FHIT: variants seen among roughly 807,000 people sequenced by gnomAD.
FHIT encodes fragile histidine triad diadenosine triphosphatase, also known as bis(5'-adenosyl)-triphosphatase.
In FHIT, 19 loss-of-function variants were observed where a neutral mutation model predicts 17.9. The observed-to-expected ratio is 1.06, with a 90% CI of 0.74 to 1.56. FHIT has a LOEUF of 1.56. FHIT is among the 40% of genes most tolerant of loss of function. The pLI, the probability that FHIT is intolerant of heterozygous loss-of-function variation, is 0.00. For missense variants in FHIT, 248 were observed against 189.2 expected (o/e 1.31, Z -1.82); for synonymous variants, 81 against 69.7 (o/e 1.16, Z -0.81).
chr3:60,539,002 G>A (rs1352324607), intron 4 of FHIT, among the ~76,000 whole-genome samples: 1 of 151,942 alleles, frequency 6.6e-6, no homozygotes, highest in Non-Finnish European at 1.5e-5. Context: ...GAGTGAACAG[G>A]CAACCTACAG....
chr3:60,344,761 AC>A (rs1214653668), intron 5 of FHIT, among the ~76,000 whole-genome samples: 43 of 152,282 alleles, frequency 2.8e-4, no homozygotes, highest in Middle Eastern at 3.4e-3. Context: ...AATAAGCCAC[AC>A]GAAAACTGTA....
At chr3:60,911,429 TTCA>T (rs1252503209) in intron 3 of FHIT, among the ~76,000 whole-genome samples, 4 of 151,718 alleles carry the variant, frequency 2.6e-5, no homozygotes, top group African/African-American at 9.7e-5. Context: ...CACCATCATT[TTCA>T]TCATCATGTG....
intron 4 of FHIT, among the ~76,000 whole-genome samples, chr3:60,546,005 C>T (rs561513173): frequency 1.9e-4 from 29 of 152,258 alleles, no homozygotes; most frequent in South Asian, 6.2e-4. Context: ...TGTTCCTATT[C>T]ATTTCACTCC....
chr3:60,117,653 G>C (rs1393310617), intron 5 of FHIT, among the ~76,000 whole-genome samples: 1 of 152,076 alleles, frequency 6.6e-6, no homozygotes, highest in Non-Finnish European at 1.5e-5. Context: ...CAAAGCAAAT[G>C]ATGAAGAACC....
At chr3:60,203,149 C>T (rs934880425) in intron 5 of FHIT, among the ~76,000 whole-genome samples, 1 of 152,054 alleles carries the variant, frequency 6.6e-6, no homozygotes, top group African/African-American at 2.4e-5. Context: ...AAGCAAGATG[C>T]TAACTATAGA....
chr3:60,070,331 G>A lies in FHIT; in HGVS notation c.104-56179C>T, dbSNP rs933832361. Among the ~76,000 whole-genome samples the A allele has an allele frequency of 3.3e-5, 5 of 152,294 alleles. No individual in the cohort carries two copies. In the East Asian group the frequency reaches 9.6e-4, roughly 29 times the overall value. On this transcript the variant is annotated intron_variant, in intron 5 of 9. Coordinates refer to ENST00000492590, the MANE Select transcript of FHIT (RefSeq NM_002012.4). The stretch of plus-strand genomic sequence containing the variant: ...CATTGAAGCCACGGCTTCTGACAGT[G>A]CCTGATATATTGCTGGTGCCCAATA...
chr3:61,027,917 C>T (rs984485258), intron 3 of FHIT, among the ~76,000 whole-genome samples: 1 of 152,156 alleles, frequency 6.6e-6, no homozygotes, highest in African/African-American at 2.4e-5. Flanking sequence ...CAAGCATGCA[C>T]ATTAGGGCAT....
At chr3:59,937,936 C>T (rs1042278881) in intron 7 of FHIT, among the ~76,000 whole-genome samples, 4 of 152,096 alleles carry the variant, frequency 2.6e-5, no homozygotes, top group East Asian at 1.9e-4. Flanking sequence ...CAGGTATTTA[C>T]GTCAAAGTCA....
chr3:60,256,763 T>C (rs1042592356), intron 5 of FHIT, among the ~76,000 whole-genome samples: 3 of 152,200 alleles, frequency 2.0e-5, no homozygotes, highest in African/African-American at 7.2e-5. Flanking sequence ...TTCAGTATGA[T>C]TGGTCAGGTG....
chr3:59,862,774 G>A (rs1702464352), intron 8 of FHIT, among the ~76,000 whole-genome samples: 2 of 152,146 alleles, frequency 1.3e-5, no homozygotes, highest in African/African-American at 4.8e-5. Flanking sequence ...TGATTGCTGT[G>A]GGCAAGAGGG....
At chr3:60,460,546 A>G (rs542048668) in intron 5 of FHIT, among the ~76,000 whole-genome samples, 23 of 152,326 alleles carry the variant, frequency 1.5e-4, no homozygotes, top group Middle Eastern at 3.4e-3. Flanking sequence ...AAAAATCCCA[A>G]TAATATTATA....
At chr3:61,205,253 G>C (rs1432964968) in intron 1 of FHIT, among the ~76,000 whole-genome samples, 3 of 151,992 alleles carry the variant, frequency 2.0e-5, no homozygotes, top group African/African-American at 4.8e-5. Flanking sequence ...CCAAGTCTTT[G>C]CTATTGTGAA....
chr3:60,251,153 C>T (rs1229283429), intron 5 of FHIT, among the ~76,000 whole-genome samples: 2 of 152,128 alleles, frequency 1.3e-5, no homozygotes, highest in African/African-American at 2.4e-5. Flanking sequence ...TAAGCTATTC[C>T]AATTGCATTT....
At chr3:59,875,824 A>G (rs907387689) in intron 8 of FHIT, among the ~76,000 whole-genome samples, 1 of 152,114 alleles carries the variant, frequency 6.6e-6, no homozygotes, top group African/African-American at 2.4e-5. Context: ...TATCATATTC[A>G]TATGGATTCA....
rs931256283 is a variant in FHIT at position 60,205,958 on chromosome 3, TA to T, written c.104-191807del. ...CCCGTCTCTACTAAAAATACAAAAATAAAAAAAAATAAAAAAATAAAAAAAT... is the reference window on the plus strand; with the variant it reads ...CCCGTCTCTACTAAAAATACAAAAATAAAAAAAATAAAAAAATAAAAAAAT... On this transcript the variant is annotated intron_variant, in intron 5 of 9. Coordinates refer to ENST00000492590, the MANE Select transcript of FHIT (RefSeq NM_002012.4). 1.5e-3 allele frequency among the ~76,000 whole-genome samples: 218 copies of T among 146,710 alleles called. 1 individual carries two copies. Among genetic ancestry groups the T allele is most frequent in the African/African-American group, 5.3e-3 (213 of 39,958 alleles).
chr3:60,304,089 A>G (rs1314481338), intron 5 of FHIT, among the ~76,000 whole-genome samples: 1 of 152,134 alleles, frequency 6.6e-6, no homozygotes, highest in Non-Finnish European at 1.5e-5. Flanking sequence ...TTCTTTACGT[A>G]GACACACAGA....
intron 5 of FHIT, among the ~76,000 whole-genome samples, chr3:60,234,407 A>G (rs1704661538): frequency 1.3e-5 from 2 of 152,206 alleles, no homozygotes; most frequent in African/African-American, 4.8e-5. Flanking sequence ...TCTGAATTGC[A>G]TTCAATATAT....
intron 3 of FHIT, among the ~76,000 whole-genome samples, chr3:60,829,636 G>T (rs1702248788): frequency 6.6e-6 from 1 of 152,162 alleles, no homozygotes; most frequent in African/African-American, 2.4e-5. Context: ...GCTTTCTGTA[G>T]TATTCGTGGT....
chr3:60,699,240 T>C (rs570426628), intron 4 of FHIT, among the ~76,000 whole-genome samples: 1 of 152,296 alleles, frequency 6.6e-6, no homozygotes, highest in Non-Finnish European at 1.5e-5. Flanking sequence ...ATCTTTGCAG[T>C]TATTTCCTTA....
Sources: gnomAD v4.1 joint callset for allele counts (sites outside exome capture counted in the v4.1 genomes callset) on GRCh38, gnomAD v4.1.1 for gene constraint, MANE v1.5 for transcripts, NCBI Gene and HGNC (gene_info 2026-07-23, HGNC 2026-07-21) for gene names.